Variants in TENM2 observed in about 807,000 individuals in gnomAD.
TENM2 encodes teneurin-2.
In TENM2, 52 loss-of-function variants were observed where a neutral mutation model predicts 245.2. The observed-to-expected ratio is 0.21, with a 90% confidence interval of 0.17 to 0.27. TENM2 has a LOEUF of 0.27. Ranked by LOEUF, TENM2 falls within the 10% of genes least tolerant of loss-of-function variation. The probability of loss-of-function intolerance (pLI) is 1.00; values close to 1 mark genes in which losing one functional copy is unlikely to be tolerated. For missense variants in TENM2, 3,046 were observed against 3,666.8 expected (o/e 0.83, Z 4.37); for synonymous variants, 1,363 against 1,438.9 (o/e 0.95, Z 1.19).
At chr5:168,201,879 G>A (rs964451653) in intron 17 of TENM2, among the ~76,000 whole-genome samples, 9 of 152,214 alleles carry the variant, frequency 5.9e-5, no homozygotes, top group Admixed American at 3.9e-4. Context: ...TAATTGGTTG[G>A]TTCTCGAATT....
chr5:167,383,165 T>C (rs1038648842), intron 2 of TENM2, among the ~76,000 whole-genome samples: 3 of 152,072 alleles, frequency 2.0e-5, no homozygotes, highest in Non-Finnish European at 4.4e-5. Flanking sequence ...AGGGATGTTA[T>C]TGAGAGGGAT....
chr5:168,157,484 G>A (rs374431055), intron 12 of TENM2, among the ~76,000 whole-genome samples: 1 of 152,290 alleles, frequency 6.6e-6, no homozygotes, highest in South Asian at 2.1e-4. Flanking sequence ...CAAAGATGAG[G>A]GTGGCTGGGG....
the TENM2 span, among the ~76,000 whole-genome samples, chr5:167,013,706 C>A: frequency 5.9e-5 from 9 of 151,904 alleles, no homozygotes. Context: ...GACTCCGTCT[C>A]AAAAATAAAT....
intron 7 of TENM2, among the ~76,000 whole-genome samples, chr5:168,083,500 T>C (rs1002053761): frequency 9.9e-5 from 15 of 152,166 alleles, no homozygotes; most frequent in Admixed American, 2.6e-4. Context: ...CAGTTGGAAA[T>C]GCAGAAATCA....
intron 25 of TENM2, chr5:168,229,464 T>C (rs1764623537): frequency 6.6e-6 from 1 of 152,186 alleles, no homozygotes; most frequent in Non-Finnish European, 1.5e-5. Flanking sequence ...GGCCATAACT[T>C]CCTGCACCTT....
rs145227661 is a variant in TENM2, at chr5:167,565,512, G to T, written c.502+190039G>T. Among the ~76,000 whole-genome samples, 799 of 152,278 alleles carry T rather than the reference G, an allele frequency of 5.2e-3. 8 individuals are homozygous for T. Among genetic ancestry groups the T allele is most frequent in the African/African-American group, 0.018 (750 of 41,554 alleles). On this transcript the variant is annotated intron_variant, in intron 2 of 28. Transcript: ENST00000518659. Reference sequence around the variant, plus strand: ...ATTAATTGGTGCCCCAGCAGCTTCCGGAACAACATTTAGCTTCCATAATGC... The same window carrying T: ...ATTAATTGGTGCCCCAGCAGCTTCCTGAACAACATTTAGCTTCCATAATGC...
chr5:167,393,866 A>C (rs1761906248), intron 2 of TENM2, among the ~76,000 whole-genome samples: 1 of 152,138 alleles, frequency 6.6e-6, no homozygotes. Context: ...TTCTCAATGT[A>C]TTTTGAAGGT....
chr5:167,682,426 C>T (rs1278255391), intron 2 of TENM2, among the ~76,000 whole-genome samples: 2 of 151,964 alleles, frequency 1.3e-5, no homozygotes, highest in Non-Finnish European at 2.9e-5. Flanking sequence ...GCCTCCCAAA[C>T]TGTTGGGATT....
chr5:167,212,426 G>A, the TENM2 span, among the ~76,000 whole-genome samples: 1 of 152,184 alleles, frequency 6.6e-6, no homozygotes, highest in Non-Finnish European at 1.5e-5. Context: ...TCTACTTGAT[G>A]TATTCTTGAA....
chr5:166,999,505 A>G, the TENM2 span, among the ~76,000 whole-genome samples: 1 of 152,132 alleles, frequency 6.6e-6, no homozygotes, highest in African/African-American at 2.4e-5. Flanking sequence ...GTAAAAGATC[A>G]TTGTGGTGAT....
chr5:167,468,690 T>A (rs1168061659), intron 2 of TENM2, among the ~76,000 whole-genome samples: 2 of 152,196 alleles, frequency 1.3e-5, no homozygotes, highest in Non-Finnish European at 2.9e-5. Context: ...AACCATCAAA[T>A]ACCAATATGT....
At chr5:167,281,565 T>C (rs1388923505), upstream of TENM2, among the ~76,000 whole-genome samples, 1 of 152,144 alleles carries the variant, frequency 6.6e-6, no homozygotes, top group East Asian at 1.9e-4. Flanking sequence ...CCATCATTTA[T>C]CCAGAGGTGA....
intron 4 of TENM2, among the ~76,000 whole-genome samples, chr5:167,964,303 G>A (rs955936746): frequency 7.9e-5 from 12 of 152,132 alleles, no homozygotes; most frequent in South Asian, 4.1e-4. Flanking sequence ...TGAAGCAAGC[G>A]TCTCTCTTTG....
At chr5:168,162,565 G>A (rs1290289967) in intron 12 of TENM2, 46 bp from the exon 15 acceptor site, 28 of 1,598,764 alleles carry the variant, frequency 1.8e-5, no homozygotes, top group South Asian at 2.2e-5. Context: ...CTTCCCCAGC[G>A]CGGCCTCACG....
chr5:167,886,796 A>C (rs1222278156), intron 3 of TENM2, among the ~76,000 whole-genome samples: 1 of 152,192 alleles, frequency 6.6e-6, no homozygotes, highest in Non-Finnish European at 1.5e-5. Flanking sequence ...TAAAACCCCA[A>C]AATAGTAGCT....
intron 2 of TENM2, among the ~76,000 whole-genome samples, chr5:167,782,103 T>C (rs903695665): frequency 6.6e-6 from 1 of 151,798 alleles, no homozygotes; most frequent in African/African-American, 2.4e-5. Flanking sequence ...CACCTGAGGT[T>C]GGGAGTTCGA....
intron 3 of TENM2, among the ~76,000 whole-genome samples, chr5:167,900,592 C>T (rs920624219): frequency 9.9e-5 from 15 of 152,122 alleles, no homozygotes; most frequent in Non-Finnish European, 1.9e-4. Context: ...GAGAATTCAT[C>T]GAAAATGAGC....
chr5:167,357,741 A>G (rs1759439509), intron 1 of TENM2, among the ~76,000 whole-genome samples: 1 of 152,180 alleles, frequency 6.6e-6, no homozygotes. Context: ...TTTGAAGTTT[A>G]TTAAATTTCA....
At chr5:167,552,593 G>A (rs1167003897) in intron 2 of TENM2, among the ~76,000 whole-genome samples, 1 of 152,124 alleles carries the variant, frequency 6.6e-6, no homozygotes, top group African/African-American at 2.4e-5. Flanking sequence ...ATTGTAGCCT[G>A]GTAATGCTAA....
Sources: gnomAD v4.1 joint callset for allele counts (sites outside exome capture counted in the v4.1 genomes callset) on GRCh38, gnomAD v4.1.1 for gene constraint, MANE v1.5 for transcripts, NCBI Gene and HGNC (gene_info 2026-07-23, HGNC 2026-07-21) for gene names.